Variants in MAP4K3 observed in about 807,000 individuals in gnomAD.
MAP4K3 encodes mitogen-activated protein kinase kinase kinase kinase 3.
MAP4K3 carries 94 observed loss-of-function variants against 143.5 expected under a neutral mutation model. That is an observed-to-expected ratio of 0.65 (90% CI 0.55 to 0.78). MAP4K3 has a LOEUF of 0.78. MAP4K3 is among the 30% of genes least tolerant of loss of function. MAP4K3 has a pLI of 0.00. For missense variants in MAP4K3, 1,077 were observed against 1,068.1 expected (o/e 1.01, Z -0.12); for synonymous variants, 416 against 347.2 (o/e 1.20, Z -2.20).
intron 1 of MAP4K3, among the ~76,000 whole-genome samples, chr2:39,405,499 T>C (rs1472160216): frequency 6.6e-6 from 1 of 152,158 alleles, no homozygotes; most frequent in Non-Finnish European, 1.5e-5. Context: ...ACCTAACTCT[T>C]CAATGCCCAG....
At chr2:39,308,107 T>C in intron 14 of MAP4K3, 102 bp from the exon 15 acceptor site, 1 of 728,952 alleles carries the variant, frequency 1.4e-6, no homozygotes, top group East Asian at 2.8e-5. Context: ...CCTGCTAATA[T>C]AATTTTATTA....
In MAP4K3 at chr2:39,418,134, C is replaced by A. The variant is rs913353164; in HGVS notation, c.96+18758G>T. On this transcript the variant is annotated intron_variant, in intron 1 of 33. Coordinates refer to ENST00000263881, the MANE Select transcript of MAP4K3 (RefSeq NM_003618.4). Reference sequence around the variant, plus strand: ...AGGAGAATTGCTTGAACCCAGGAGGCAGAAGGTTGCAGTGAGCAGAGACTG... The same window carrying A: ...AGGAGAATTGCTTGAACCCAGGAGGAAGAAGGTTGCAGTGAGCAGAGACTG... Among the ~76,000 whole-genome samples, 5 of 149,802 alleles carry A rather than the reference C, an allele frequency of 3.3e-5. No homozygotes were observed. In the Admixed American group the frequency reaches 3.3e-4, roughly 10 times the overall value.
intron 1 of MAP4K3, among the ~76,000 whole-genome samples, chr2:39,431,541 T>C (rs1490256955): frequency 4.6e-5 from 7 of 152,028 alleles, no homozygotes; most frequent in Non-Finnish European, 8.8e-5. Flanking sequence ...CTGTTTTTTG[T>C]AGGGTGGAAA....
intron 6 of MAP4K3, among the ~76,000 whole-genome samples, chr2:39,334,880 T>C (rs946680808): frequency 1.3e-5 from 2 of 152,050 alleles, no homozygotes; most frequent in Non-Finnish European, 2.9e-5. Flanking sequence ...TGATTCAAAG[T>C]CAGGTAGAAA....
In MAP4K3 at chr2:39,292,811, A is replaced by C; in HGVS notation, c.1233T>G (p.His411Gln). Residue 411 changes from histidine (H) to glutamine (Q), a missense_variant, in exon 18 of 34, where the codon CAT becomes CAG. By Grantham distance (24) the His-to-Gln change is conservative (BLOSUM62 0). Coordinates refer to ENST00000263881, the MANE Select transcript of MAP4K3 (RefSeq NM_003618.4). ...EELHQRGHVA[H>Q]LEDDEGDDDE... The stretch of plus-strand genomic sequence containing the variant: ...CATCATCTCCTTCATCATCTTCTAA[A>C]TGTGCGACGTGTCCTCTAAATAAAA... 1 of 1,613,004 alleles carries C rather than the reference A, an allele frequency of 6.2e-7. No individual in the cohort carries two copies. The highest frequency in any genetic ancestry group is 8.5e-7 in the Non-Finnish European group (1 of 1,179,136).
chr2:39,254,637 T>C, intron 31 of MAP4K3, 117 bp from the exon 32 acceptor site: 1 of 676,980 alleles, frequency 1.5e-6, no homozygotes, highest in South Asian at 2.2e-5. Context: ...TGTCAGCTAT[T>C]CCATATTTAT....
At chr2:39,312,758 T>G (rs1252496908) in intron 13 of MAP4K3, among the ~76,000 whole-genome samples, 1 of 152,232 alleles carries the variant, frequency 6.6e-6, no homozygotes, top group Non-Finnish European at 1.5e-5. Flanking sequence ...TTTAGTAAGG[T>G]ATCAAAACTA....
intron 1 of MAP4K3, among the ~76,000 whole-genome samples, chr2:39,391,653 C>T (rs981386315): frequency 2.0e-5 from 3 of 152,122 alleles, no homozygotes; most frequent in African/African-American, 4.8e-5. Context: ...ACAACAGGTG[C>T]TCAAAATATG....
At chr2:39,322,207 C>G (rs970348869) in intron 12 of MAP4K3, among the ~76,000 whole-genome samples, 2 of 152,146 alleles carry the variant, frequency 1.3e-5, no homozygotes, top group Non-Finnish European at 2.9e-5. Context: ...AGGAAAAACC[C>G]TAGACTTTTG....
intron 7 of MAP4K3, among the ~76,000 whole-genome samples, chr2:39,332,215 C>A (rs1011249401): frequency 2.0e-5 from 3 of 151,994 alleles, no homozygotes; most frequent in Non-Finnish European, 4.4e-5. Context: ...TATATCCCCA[C>A]ATAAATCAAA....
chr2:39,384,956 C>A (rs746781631), intron 1 of MAP4K3, among the ~76,000 whole-genome samples: 6 of 152,188 alleles, frequency 3.9e-5, no homozygotes, highest in South Asian at 2.1e-4. Flanking sequence ...TCTATGACTA[C>A]AGTTTTTCTT....
At chr2:39,272,143 A>T in intron 26 of MAP4K3, 140 bp downstream of exon 26, 1 of 565,560 alleles carries the variant, frequency 1.8e-6, no homozygotes, top group Non-Finnish European at 3.1e-6. Flanking sequence ...ATCACTAAGC[A>T]CTTGTTAATG....
chr2:39,276,217 A>C (rs1257182850), intron 24 of MAP4K3, among the ~76,000 whole-genome samples: 1 of 152,136 alleles, frequency 6.6e-6, no homozygotes, highest in African/African-American at 2.4e-5. Flanking sequence ...CACATCCCGA[A>C]GGCACCCCAA....
At chr2:39,408,700 A>G (rs1375569137) in intron 1 of MAP4K3, among the ~76,000 whole-genome samples, 5 of 151,656 alleles carry the variant, frequency 3.3e-5, no homozygotes, top group African/African-American at 1.2e-4. Flanking sequence ...TATGGATCTT[A>G]GAGAAATTTA....
chr2:39,332,389 C>T (rs1383880435), intron 7 of MAP4K3, among the ~76,000 whole-genome samples: 2 of 151,948 alleles, frequency 1.3e-5, no homozygotes, highest in African/African-American at 4.8e-5. Flanking sequence ...TCACTTTCTC[C>T]ATACCCATGA....
At position 39,250,315 on chromosome 2, in the gene MAP4K3, A is replaced by G. The variant is rs1374943389; in HGVS notation, c.*303T>C. On this transcript the variant is annotated 3_prime_UTR_variant, in exon 34 of 34. Transcript: ENST00000263881. ...TAAGACACTTACTTGTACATCTCATAAAAGTACATTATCTACATAAATTCT... is the reference window on the plus strand; with the variant it reads ...TAAGACACTTACTTGTACATCTCATGAAAGTACATTATCTACATAAATTCT... 1.6e-5 allele frequency: 4 copies of G among 256,648 alleles called. No homozygotes were observed. The highest frequency in any genetic ancestry group is 3.0e-5 in the Non-Finnish European group (4 of 133,802). 15.9% of individuals were successfully genotyped at this position (256,648 alleles called of 1,614,324 possible). A position where few individuals can be genotyped will look rare whatever the true frequency, so the allele number is the denominator to read the frequency against.
chr2:39,321,876 TTGTCTGC>T (rs1683319713), intron 12 of MAP4K3, among the ~76,000 whole-genome samples: 1 of 152,218 alleles, frequency 6.6e-6, no homozygotes, highest in Non-Finnish European at 1.5e-5. Context: ...GTTCACGTGT[TTGTCTGC>T]TGACCCTCTC....
chr2:39,320,145 C>T (rs1683254786), intron 12 of MAP4K3, among the ~76,000 whole-genome samples: 1 of 152,118 alleles, frequency 6.6e-6, no homozygotes. Flanking sequence ...TTAGCTACAG[C>T]AGGTCCCCAG....
chr2:39,415,990 TATATATATATATATAA>T (rs1667365333), intron 1 of MAP4K3, among the ~76,000 whole-genome samples: 1 of 77,414 alleles, frequency 1.3e-5, no homozygotes, highest in African/African-American at 5.1e-5. Flanking sequence ...AATATATATA[TATATATATATATATAA>T]AAATAACATT....
Sources: allele counts gnomAD v4.1 joint callset (sites outside exome capture counted in the v4.1 genomes callset), GRCh38; gene constraint gnomAD v4.1.1; transcripts MANE v1.5; gene names NCBI Gene and HGNC (gene_info 2026-07-23, HGNC 2026-07-21).